Variants in POLR1C observed in about 807,000 individuals in gnomAD.
The protein encoded by POLR1C is DNA-directed RNA polymerases I and III subunit RPAC1.
Under a neutral mutation model 38.3 loss-of-function variants are expected in POLR1C, and 42 were observed. The observed-to-expected ratio is 1.10, with a 90% CI of 0.86 to 1.42. The LOEUF (loss-of-function observed/expected upper bound fraction) is 1.42. Among genes scored for constraint, POLR1C ranks in the 40% most tolerant of loss-of-function variants. POLR1C has a pLI of 0.00. For synonymous variants in POLR1C, 163 were observed against 163.9 expected, an observed-to-expected ratio of 0.99 and a Z score of 0.04; for missense variants, 507 against 450.5, an observed-to-expected ratio of 1.13 and a Z score of -1.14.
downstream of POLR1C, among the ~76,000 whole-genome samples, chr6:43,534,408 T>C (rs1246383987): frequency 6.6e-6 from 1 of 152,198 alleles, no homozygotes; most frequent in Non-Finnish European, 1.5e-5. Context: ...GCCCCATTTT[T>C]CAATGTTTTG....
chr6:43,554,079 G>A (rs1561878914), intron 10 of POLR1C, among the ~76,000 whole-genome samples: 1 of 152,058 alleles, frequency 6.6e-6, no homozygotes, highest in East Asian at 1.9e-4. Flanking sequence ...AAATAGCAAG[G>A]CACAAGCAAA....
At chr6:43,530,893 T>A, downstream of POLR1C, 1 of 1,515,214 alleles carries the variant, frequency 6.6e-7, no homozygotes, top group Non-Finnish European at 8.8e-7. Context: ...CCCTGTCCCA[T>A]GAATTTCATT....
chr6:43,539,556 CTCCGCGGCCTCAGCCCCGGCCCGG>C, intron 9 of POLR1C: 3 of 1,378,288 alleles, frequency 2.2e-6, no homozygotes, highest in South Asian at 1.2e-5. Flanking sequence ...CCTCCGCGAG[CTCCGCGGCCTCAGCCCCGGCCCGG>C]TCCACGGCTG....
chr6:43,521,387 A>G lies in POLR1C; in HGVS notation c.*87A>G. ...GCTGAACAGAGAGCCCAGTGTGACT[A>G]GGGATCCTGAGTTTTCTGGGACAAT... On this transcript the variant is annotated 3_prime_UTR_variant, in exon 9 of 9. Transcript: ENST00000642195. The G allele has an allele frequency of 3.1e-6, 5 of 1,603,478 alleles. No homozygotes were observed. The highest frequency in any genetic ancestry group is 4.3e-6 in the Non-Finnish European group (5 of 1,176,010).
intron 9 of POLR1C, chr6:43,538,698 G>A (rs1794501554): frequency 6.8e-6 from 3 of 444,108 alleles, no homozygotes; most frequent in Non-Finnish European, 7.8e-6. Flanking sequence ...TTCCTCTTTG[G>A]TACTGTTAAT....
intron 8 of POLR1C, chr6:43,527,576 C>T (rs994597747): frequency 2.5e-5 from 39 of 1,571,972 alleles, no homozygotes; most frequent in African/African-American, 4.1e-5. Flanking sequence ...GTTGGCTGAG[C>T]GACCAGCTCT....
chr6:43,533,826 G>T, downstream of POLR1C: 1 of 1,055,796 alleles, frequency 9.5e-7, no homozygotes, highest in Non-Finnish European at 1.4e-6. Flanking sequence ...CAGAGACTAT[G>T]ACTCTTAAAA....
downstream of POLR1C, chr6:43,524,905 A>G (rs1263770961): frequency 6.2e-7 from 1 of 1,614,024 alleles, no homozygotes; most frequent in Non-Finnish European, 8.5e-7. Context: ...TGCATCTGTA[A>G]GCCTTTCAGC....
At chr6:43,531,624 TCAATTGGCCA>T (rs889321218), downstream of POLR1C, 32 of 1,507,738 alleles carry the variant, frequency 2.1e-5, no homozygotes, top group Non-Finnish European at 2.7e-5. Flanking sequence ...GTCAGGAGTC[TCAATTGGCCA>T]ACACTCTACA....
intron 10 of POLR1C, chr6:43,553,586 G>A: frequency 6.7e-7 from 1 of 1,493,796 alleles, no homozygotes; most frequent in Non-Finnish European, 8.9e-7. Flanking sequence ...GACACAGAGA[G>A]ACAATGGAGC....
At chr6:43,528,860 T>C in intron 8 of POLR1C, 2 of 1,613,842 alleles carry the variant, frequency 1.2e-6, no homozygotes, top group Non-Finnish European at 1.7e-6. Context: ...GGTCCGAGGA[T>C]GGGGGATACC....
downstream of POLR1C, chr6:43,523,071 C>T (rs7755135): frequency 0.21 from 33,774 of 161,472 alleles, 6,433 homozygotes; most frequent in African/African-American, 0.52. Context: ...TGGATGACAA[C>T]GGTGTCATGT....
chr6:43,518,451 T>C (rs1017970895), intron 2 of POLR1C, among the ~76,000 whole-genome samples: 9 of 152,166 alleles, frequency 5.9e-5, no homozygotes, highest in African/African-American at 2.2e-4. Context: ...GTTTTCTGCA[T>C]GTGGAGAAAT....
intron 9 of POLR1C, chr6:43,538,720 G>C: frequency 2.1e-6 from 1 of 484,096 alleles, no homozygotes; most frequent in Non-Finnish European, 3.6e-6. Flanking sequence ...TCTGGTTTTG[G>C]TATCAAAATA....
chr6:43,535,435 T>C (rs527659331), intron 9 of POLR1C, among the ~76,000 whole-genome samples: 2 of 150,912 alleles, frequency 1.3e-5, no homozygotes, highest in Non-Finnish European at 3.0e-5. Flanking sequence ...ACTAAAAATA[T>C]AAAAATTAGC....
downstream of POLR1C, among the ~76,000 whole-genome samples, chr6:43,531,883 C>T (rs79433621): frequency 3.9e-5 from 6 of 152,222 alleles, no homozygotes; most frequent in East Asian, 7.7e-4. Context: ...GATGCTCCCA[C>T]AATTAAGTTA....
Position 43,541,419 on chromosome 6 carries a change from A to G in POLR1C, c.*5-9549A>G, listed in dbSNP as rs1051571075. Among the ~76,000 whole-genome samples the G allele has an allele frequency of 3.9e-5, 6 of 152,360 alleles. No homozygotes were observed. The South Asian group carries it at 1.2e-3, about 32-fold the overall frequency. ...ACTGTGTACCCACAAAACTTTAAAA[A>G]ACTAACAAAAAACATCCCCACCAAA... On this transcript the variant is annotated intron_variant, in intron 9 of 10. Coordinates refer to the POLR1C transcript ENST00000607635.
intron 9 of POLR1C, chr6:43,546,713 G>A (rs1216168897): frequency 1.2e-6 from 2 of 1,611,008 alleles, no homozygotes; most frequent in Non-Finnish European, 1.7e-6. Context: ...CAGCAAGTTC[G>A]TTTCACCACA....
intron 10 of POLR1C, chr6:43,555,312 AG>A (rs1762014698): frequency 1.4e-5 from 2 of 143,930 alleles, no homozygotes; most frequent in African/African-American, 6.1e-5. Flanking sequence ...TTTGGAGTAC[AG>A]AGAAGTTAAC....
Sources: allele counts gnomAD v4.1 joint callset (sites outside exome capture counted in the v4.1 genomes callset), GRCh38; gene constraint gnomAD v4.1.1; transcripts MANE v1.5; gene names NCBI Gene and HGNC (gene_info 2026-07-23, HGNC 2026-07-21).